APPL1: variants seen among roughly 807,000 people sequenced by gnomAD.
The protein encoded by APPL1 is adaptor protein, phosphotyrosine interacting with PH domain and leucine zipper 1.
APPL1 carries 42 observed loss-of-function variants against 106.8 expected under a neutral mutation model. The observed-to-expected ratio is 0.39, with a 90% CI of 0.31 to 0.51. The LOEUF (loss-of-function observed/expected upper bound fraction) is 0.51, where lower values mean the gene tolerates loss of function less well. Ranked by LOEUF, APPL1 falls within the 20% of genes least tolerant of loss-of-function variation. The pLI, the probability that APPL1 is intolerant of heterozygous loss-of-function variation, is 0.75. For synonymous variants in APPL1, 263 were observed against 281.8 expected, an observed-to-expected ratio of 0.93 and a Z score of 0.67; for missense variants, 769 against 858.2, an observed-to-expected ratio of 0.90 and a Z score of 1.30.
chr3:57,255,322 T>C (rs1440990544), intron 13 of APPL1, among the ~76,000 whole-genome samples: 1 of 152,124 alleles, frequency 6.6e-6, no homozygotes. Context: ...GCTAATTTCT[T>C]TGGGAGGCTC....
intron 6 of APPL1, 22 bp downstream of exon 6, chr3:57,242,164 C>T (rs569438057): frequency 6.4e-7 from 1 of 1,571,058 alleles, no homozygotes; most frequent in African/African-American, 1.4e-5. Context: ...AATTTGCACA[C>T]TTATTTCTTG....
In APPL1 at chr3:57,259,894, G is replaced by A; in HGVS notation, c.1533G>A (p.Glu511=). 6.2e-7 allele frequency: 1 copy of A among 1,613,350 alleles called. No individual in the cohort carries two copies. Among genetic ancestry groups the A allele is most frequent in the Non-Finnish European group, 8.5e-7 (1 of 1,179,786 alleles). The change falls in exon 17 of 22, where the codon GAG becomes GAA. Residue 511 remains glutamate, a synonymous_variant. Coordinates refer to ENST00000288266, the MANE Select transcript of APPL1 (RefSeq NM_012096.3). ...TTGTCCGATTCCTTGGTTCAATGGA[G>A]GTGAAATCAGATGACCATCCAGATG... ...LFIVRFLGSM[E]VKSDDHPDVV...
intron 1 of APPL1, among the ~76,000 whole-genome samples, chr3:57,231,627 A>T (rs533622275): frequency 6.6e-6 from 1 of 151,830 alleles, no homozygotes; most frequent in Non-Finnish European, 1.5e-5. Flanking sequence ...CCTGGGCCAA[A>T]TAGCAAGACC....
At position 57,267,811 on chromosome 3, in the gene APPL1, G is replaced by A. The variant is rs2060903550; in HGVS notation, c.1893+19G>A. On this transcript the variant is annotated intron_variant, in intron 20 of 21. Transcript: ENST00000288266. ...TGAACTGGTAAGAATCCAAGATGTG[G>A]CTGGGCACAGTGGTTCACACCTGTA... The A allele has an allele frequency of 6.2e-7, 1 of 1,612,692 alleles. No individual in the cohort carries two copies. The highest frequency in any genetic ancestry group is 8.5e-7 in the Non-Finnish European group (1 of 1,179,826).
In APPL1 at chr3:57,249,397, T is replaced by C. The variant is rs1349862308; in HGVS notation, c.901T>C (p.Phe301Leu). Residue 301 changes from phenylalanine (F) to leucine (L), a missense_variant, in exon 11 of 22, where the codon TTT (phenylalanine) becomes CTT (leucine). By Grantham distance (22) the Phe-to-Leu change is conservative. Transcript: ENST00000288266. ...GGTGTCATCTACCTGGGACAGACAG[T>C]TTTACTTCACGCAGGGTGGAAATTT... ...GLVSSTWDRQ[F>L]YFTQGGNLMS... The C allele has an allele frequency of 6.2e-7, 1 of 1,614,152 alleles. No individual in the cohort carries two copies. Among genetic ancestry groups the C allele is most frequent in the Admixed American group, 1.7e-5 (1 of 60,020 alleles).
intron 1 of APPL1, chr3:57,230,652 T>C (rs1321809946): frequency 3.5e-6 from 1 of 285,458 alleles, no homozygotes; most frequent in Non-Finnish European, 7.4e-6. Context: ...CTTTTATAAA[T>C]AGGGCTGAGA....
At position 57,262,385 on chromosome 3, in the gene APPL1, CTTTTTTTT is replaced by C. The variant is rs373526618; in HGVS notation, c.1842+1629_1842+1636del. ...GTTTTTTTTTTCTATGGAAAATAAC[CTTTTTTTT>C]TTTTTTTTTTTTTTTTTGAGACAGA... On this transcript the variant is annotated intron_variant, in intron 19 of 21. Coordinates refer to ENST00000288266, the MANE Select transcript of APPL1 (RefSeq NM_012096.3). Among the ~76,000 whole-genome samples, 69 of 29,062 alleles carry C rather than the reference CTTTTTTTT, an allele frequency of 2.4e-3. 2 individuals are homozygous for C. Among genetic ancestry groups the C allele is most frequent in the African/African-American group, 7.0e-3 (56 of 8,002 alleles). 19.1% of individuals were successfully genotyped at this position (29,062 alleles called of 152,430 possible). A position where few individuals can be genotyped will look rare whatever the true frequency, so the allele number is the denominator to read the frequency against.
At chr3:57,256,856 T>A (rs892693498) in intron 13 of APPL1, 101 bp from the exon 14 acceptor site, 5 of 876,720 alleles carry the variant, frequency 5.7e-6, no homozygotes, top group Non-Finnish European at 7.5e-6. Flanking sequence ...ATTTATATTT[T>A]AAGTGTAACT....
At chr3:57,234,658 T>A (rs527629021) in intron 1 of APPL1, among the ~76,000 whole-genome samples, 35 of 151,374 alleles carry the variant, frequency 2.3e-4, no homozygotes, top group South Asian at 4.2e-4. Context: ...TTTAAAAAAA[T>A]TTTTTTATTT....
At chr3:57,234,711 A>C (rs1044206327) in intron 1 of APPL1, among the ~76,000 whole-genome samples, 3 of 151,016 alleles carry the variant, frequency 2.0e-5, no homozygotes, top group African/African-American at 7.3e-5. Context: ...GCTGAAGTGC[A>C]GTGGCGTGAT....
intron 7 of APPL1, among the ~76,000 whole-genome samples, chr3:57,243,930 C>A (rs758175767): frequency 3.9e-5 from 6 of 152,108 alleles, no homozygotes; most frequent in Non-Finnish European, 8.8e-5. Flanking sequence ...GGGGGAACAA[C>A]ATGAATAGGC....
In APPL1 at chr3:57,259,970, A is replaced by G; in HGVS notation, c.1609A>G (p.Ile537Val). The change falls in exon 17 of 22, where the codon ATC becomes GTC. Residue 537 changes from isoleucine to valine, a missense_variant. Ile to Val is a conservative substitution (Grantham distance 29, BLOSUM62 3). Coordinates refer to ENST00000288266, the MANE Select transcript of APPL1 (RefSeq NM_012096.3). ...CTTAGCTGCCCGGGCCATCCATAACATCTTTCGTATGACAGAATCGCATTT... is the reference window on the plus strand; with the variant it reads ...CTTAGCTGCCCGGGCCATCCATAACGTCTTTCGTATGACAGAATCGCATTT... ...QILAARAIHNIFRMTESHLLV... is the reference protein window; with the variant it reads ...QILAARAIHNVFRMTESHLLV... 6.2e-7 allele frequency: 1 copy of G among 1,613,968 alleles called. No individual in the cohort carries two copies. Among genetic ancestry groups the G allele is most frequent in the South Asian group, 1.1e-5 (1 of 91,022 alleles).
intron 8 of APPL1, 90 bp from the exon 9 acceptor site, chr3:57,247,305 T>C: frequency 4.3e-6 from 3 of 689,744 alleles, no homozygotes; most frequent in South Asian, 2.0e-5. Context: ...TACTTAACCA[T>C]GTGTCTTAGA....
rs116544790 is a variant in APPL1 at position 57,258,984 on chromosome 3, A to T, written c.1431-44A>T. ...TAATTAGATTTCTTCTATGTGGCTC[A>T]TGGTAACTGACCATGTGTTCATATT... On this transcript the variant is annotated intron_variant, in intron 15 of 21. Transcript: ENST00000288266. 2.6e-3 allele frequency: 3,709 copies of T among 1,450,908 alleles called. 72 individuals carry two copies. In the African/African-American group the frequency reaches 0.045, roughly 17 times the overall value. The allele number at this position is 1,450,908 out of a possible 1,614,324, so 89.9% of individuals were successfully genotyped here.
In APPL1 at chr3:57,237,477, A is replaced by G. The variant is rs548010040; in HGVS notation, c.154-15A>G. 1.0e-5 allele frequency: 16 copies of G among 1,588,314 alleles called. No individual in the cohort carries two copies. The South Asian group carries it at 1.7e-4, about 16-fold the overall frequency. ...TTTTCCCAGTAATATGCTAATTTGAATGCTTTTTCCATAGAATGAATTAAG... is the reference window on the plus strand; with the variant it reads ...TTTTCCCAGTAATATGCTAATTTGAGTGCTTTTTCCATAGAATGAATTAAG... On this transcript the variant is annotated splice_polypyrimidine_tract_variant and intron_variant, in intron 2 of 21. Coordinates refer to ENST00000288266, the MANE Select transcript of APPL1 (RefSeq NM_012096.3).
intron 19 of APPL1, among the ~76,000 whole-genome samples, chr3:57,261,419 T>C (rs2060864588): frequency 6.6e-6 from 1 of 152,248 alleles, no homozygotes; most frequent in Non-Finnish European, 1.5e-5. Flanking sequence ...ACAGTAAACA[T>C]GTGAGTGCAG....
At chr3:57,248,110 C>A in intron 9 of APPL1, 83 bp from the exon 10 acceptor site, 1 of 1,405,432 alleles carries the variant, frequency 7.1e-7, no homozygotes, top group African/African-American at 1.4e-5. Context: ...AAAACATACC[C>A]GAAACAAATA....
At position 57,227,904 on chromosome 3, in the gene APPL1, G is replaced by A. The variant is rs1195582811; in HGVS notation, c.21G>A (p.Leu7=). Residue 7 remains leucine, a synonymous_variant, in exon 1 of 22, where the codon CTG becomes CTA. Transcript: ENST00000288266. ...CCACGATGCCGGGGATCGACAAGCT[G>A]CCCATCGAGGAGACGCTGGAGGACA... MPGIDK[L]PIEETLEDSP... 4 of 1,470,440 alleles carry A rather than the reference G, an allele frequency of 2.7e-6. No homozygotes were observed. The highest frequency in any genetic ancestry group is 3.6e-6 in the Non-Finnish European group (4 of 1,108,234). The allele number at this position is 1,470,440 out of a possible 1,614,324, so 91.1% of individuals were successfully genotyped here.
At chr3:57,241,159 C>T (rs2107599685) in intron 5 of APPL1, among the ~76,000 whole-genome samples, 1 of 152,200 alleles carries the variant, frequency 6.6e-6, no homozygotes, top group African/African-American at 2.4e-5. Flanking sequence ...GACACAATTC[C>T]TTTGGAGGAT....
Sources: gnomAD v4.1 joint callset for allele counts (sites outside exome capture counted in the v4.1 genomes callset) on GRCh38, gnomAD v4.1.1 for gene constraint, MANE v1.5 for transcripts, NCBI Gene and HGNC (gene_info 2026-07-23, HGNC 2026-07-21) for gene names.